TTR: variants seen among roughly 807,000 people sequenced by gnomAD.
TTR encodes transthyretin, also known as epididymis luminal protein 111.
In TTR, 8 loss-of-function variants were observed where a neutral mutation model predicts 13.7. The observed-to-expected ratio is 0.58, with a 90% CI of 0.34 to 1.05. The LOEUF (loss-of-function observed/expected upper bound fraction) is 1.05. Among genes scored for constraint, TTR ranks in the 50% least tolerant of loss-of-function variants. TTR has a pLI of 0.02. For synonymous variants in TTR, 75 were observed against 71.7 expected, an observed-to-expected ratio of 1.05 and a Z score of -0.23; for missense variants, 135 against 185.5, an observed-to-expected ratio of 0.73 and a Z score of 1.58.
chr18:31,598,408 C>A, intron 3 of TTR, 160 bp from the exon 4 acceptor site: 1 of 765,404 alleles, frequency 1.3e-6, no homozygotes, highest in Non-Finnish European at 2.3e-6. Flanking sequence ...GCTTAGCTTG[C>A]CAGCATATTT....
chr18:31,593,278 T>G (rs1194399716), intron 2 of TTR: 1 of 439,744 alleles, frequency 2.3e-6, no homozygotes, highest in African/African-American at 2.0e-5. Context: ...CTCCTCTAGC[T>G]GTGGTTTGCA....
chr18:31,595,359 A>C (rs1181462556), intron 3 of TTR, 104 bp downstream of exon 3: 1 of 1,495,890 alleles, frequency 6.7e-7, no homozygotes, highest in Non-Finnish European at 9.2e-7. Flanking sequence ...TGTCCTAAGG[A>C]AGGTGATGAA....
At chr18:31,597,382 A>G (rs569826277) in intron 3 of TTR, 1 of 152,234 alleles carries the variant, frequency 6.6e-6, no homozygotes, top group East Asian at 1.9e-4. Context: ...GCCTCTTACA[A>G]TTTTTAAGAA....
At chr18:31,596,873 C>G (rs1353216750) in intron 3 of TTR, among the ~76,000 whole-genome samples, 1 of 152,150 alleles carries the variant, frequency 6.6e-6, no homozygotes, top group Non-Finnish European at 1.5e-5. Flanking sequence ...GTCCCAATGC[C>G]TCACTTTGGT....
chr18:31,593,475 T>C (rs1214737604), intron 2 of TTR: 1 of 246,662 alleles, frequency 4.1e-6, no homozygotes, highest in African/African-American at 2.2e-5. Context: ...GGAAAAGGTA[T>C]AATGTGTATT....
chr18:31,594,670 C>A (rs1420629437), intron 2 of TTR, among the ~76,000 whole-genome samples: 1 of 152,202 alleles, frequency 6.6e-6, no homozygotes, highest in Middle Eastern at 3.4e-3. Flanking sequence ...TCAAGACCAG[C>A]CTGGCCAACA....
rs764373608 is a variant in TTR at position 31,591,920 on chromosome 18, G to C, written c.18G>C (p.Leu6=). 1 of 1,614,154 alleles carries C rather than the reference G, an allele frequency of 6.2e-7. No homozygotes were observed. Among genetic ancestry groups the C allele is most frequent in the Admixed American group, 1.7e-5 (1 of 60,010 alleles). MASHR[L]LLLCLAGLVF... is the part of the protein sequence containing the mutation. Reference sequence around the variant, plus strand: ...TTGGCAGGATGGCTTCTCATCGTCTGCTCCTCCTCTGCCTTGCTGGACTGG... The same window carrying C: ...TTGGCAGGATGGCTTCTCATCGTCTCCTCCTCCTCTGCCTTGCTGGACTGG... The change falls in exon 1 of 4, where the codon CTG becomes CTC. Residue 6 remains leucine, a synonymous_variant. Transcript: ENST00000237014.
intron 3 of TTR, 152 bp from the exon 4 acceptor site, chr18:31,598,416 T>G (rs1667251): frequency 0.032 from 25,417 of 787,716 alleles, 1,832 homozygotes; most frequent in African/African-American, 0.2. Context: ...TGCCAGCATA[T>G]TTGAGCTTTT....
intron 3 of TTR, among the ~76,000 whole-genome samples, chr18:31,596,749 A>G (rs2073518782): frequency 1.3e-5 from 2 of 152,070 alleles, no homozygotes; most frequent in Non-Finnish European, 1.5e-5. Context: ...ATACATCCCG[A>G]CCCTTGGAAT....
At position 31,591,879 on chromosome 18, in the gene TTR, A is replaced by G. The variant is rs1446405777; in HGVS notation, c.-24A>G. On this transcript the variant is annotated 5_prime_UTR_variant, in exon 1 of 4. Transcript: ENST00000237014. ...GCCCCAGGCTGGGAGCAGCCATCAC[A>G]GAAGTCCACTCATTCTTGGCAGGAT... is the stretch of plus-strand genomic sequence containing the variant. The G allele has an allele frequency of 6.2e-7, 1 of 1,613,340 alleles. No individual in the cohort carries two copies. The highest frequency in any genetic ancestry group is 8.5e-7 in the Non-Finnish European group (1 of 1,179,250).
At chr18:31,596,673 T>TA (rs10707844) in intron 3 of TTR, among the ~76,000 whole-genome samples, 2,747 of 144,880 alleles carry the variant, frequency 0.019, 72 homozygotes, top group African/African-American at 0.061. Flanking sequence ...CAACAAACAT[T>TA]AAAAAAAAAA....
At chr18:31,594,270 G>A (rs1206177826) in intron 2 of TTR, among the ~76,000 whole-genome samples, 3 of 152,222 alleles carry the variant, frequency 2.0e-5, no homozygotes, top group Admixed American at 6.5e-5. Context: ...ATTCAACTAT[G>A]GAGCTGGTAC....
chr18:31,594,946 T>C (rs1299689687), intron 2 of TTR, among the ~76,000 whole-genome samples, 174 bp from the exon 3 acceptor site: 2 of 152,160 alleles, frequency 1.3e-5, no homozygotes, highest in Non-Finnish European at 1.5e-5. Flanking sequence ...TTTTACAAAC[T>C]TTTTGCCATT....
At chr18:31,598,462 TA>T in intron 3 of TTR, 105 bp from the exon 4 acceptor site, 2 of 1,076,998 alleles carry the variant, frequency 1.9e-6, no homozygotes, top group Non-Finnish European at 2.8e-6. Context: ...TATAAAAGAA[TA>T]AAATTAATTA....
chr18:31,592,383 T>C (rs1474663923), intron 1 of TTR, among the ~76,000 whole-genome samples: 1 of 152,258 alleles, frequency 6.6e-6, no homozygotes, highest in Non-Finnish European at 1.5e-5. Context: ...GATTAATCTT[T>C]AAAAGGCTTA....
intron 1 of TTR, 60 bp from the exon 2 acceptor site, chr18:31,592,836 A>T (rs2073492495): frequency 1.2e-6 from 2 of 1,604,960 alleles, no homozygotes; most frequent in East Asian, 4.5e-5. Context: ...TACCACAAAG[A>T]ATAAATCCTT....
chr18:31,595,035 T>A, intron 2 of TTR, 85 bp from the exon 3 acceptor site: 2 of 1,392,328 alleles, frequency 1.4e-6, no homozygotes, highest in Non-Finnish European at 2.0e-6. Context: ...CATGTTTATG[T>A]GTGTTAGTTG....
In TTR at chr18:31,593,021, C is replaced by G. The variant is rs571695233; in HGVS notation, c.195C>G (p.Ala65=). 2 of 1,613,942 alleles carry G rather than the reference C, an allele frequency of 1.2e-6. No individual in the cohort carries two copies. The highest frequency in any genetic ancestry group is 2.2e-5 in the South Asian group (2 of 91,064). Residue 65 remains alanine (A), a synonymous_variant, in exon 2 of 4, where the codon GCC becomes GCG. Transcript: ENST00000237014. ...KAADDTWEPF[A]SGKTSESGEL... ...CTGATGACACCTGGGAGCCATTTGC[C>G]TCTGGGTAAGTTGCCAAAGAACCCT...
intron 2 of TTR, among the ~76,000 whole-genome samples, chr18:31,594,221 A>G (rs1011916109): frequency 3.3e-5 from 5 of 152,174 alleles, no homozygotes; most frequent in African/African-American, 4.8e-5. Context: ...ATTTTTATCT[A>G]TCGTAGCTGT....
Sources: allele counts gnomAD v4.1 joint callset (sites outside exome capture counted in the v4.1 genomes callset), GRCh38; gene constraint gnomAD v4.1.1; transcripts MANE v1.5; gene names NCBI Gene and HGNC (gene_info 2026-07-23, HGNC 2026-07-21).